RBFOX1: variants seen among roughly 807,000 people sequenced by gnomAD.
RBFOX1 encodes the protein RNA binding fox-1 homolog 1, also known as RNA binding protein fox-1 homolog 1.
Under a neutral mutation model 57.7 loss-of-function variants are expected in RBFOX1, and 8 were observed. That is an observed-to-expected ratio of 0.14 (90% confidence interval 0.08 to 0.25). The LOEUF is 0.25. Ranked by LOEUF, RBFOX1 falls within the 10% of genes least tolerant of loss-of-function variation. RBFOX1 has a pLI of 1.00. For synonymous variants in RBFOX1, 326 were observed against 222.4 expected, an observed-to-expected ratio of 1.47 and a Z score of -4.15; for missense variants, 611 against 548.5, an observed-to-expected ratio of 1.11 and a Z score of -1.14.
At position 5,358,094 on chromosome 16, in the gene RBFOX1, G is replaced by A. The variant is rs1596645325; in HGVS notation, c.220-109122G>A. ...TGTCGGCAGTATGGCTTCCACTGGAGGGCTGTGGGAAATCATCTGTTCCAT... is the reference window on the plus strand; with the variant it reads ...TGTCGGCAGTATGGCTTCCACTGGAAGGCTGTGGGAAATCATCTGTTCCAT... On this transcript the variant is annotated intron_variant, in intron 1 of 2. Coordinates refer to the RBFOX1 transcript ENST00000585867. Among the ~76,000 whole-genome samples the A allele has an allele frequency of 2.0e-5, 3 of 152,066 alleles. No individual in the cohort carries two copies. The South Asian group carries it at 6.2e-4, about 32-fold the overall frequency.
chr16:5,660,062 G>C lies in RBFOX1; in HGVS notation c.318+61101G>C, dbSNP rs150882484. ...GAGAGGGGACCCATAGGCTTTGTTA[G>C]ACCAACGGGGTTCAAGGCGCATAAA... On this transcript the variant is annotated intron_variant, in intron 3 of 19. Transcript: ENST00000641259. 2.2e-3 allele frequency among the ~76,000 whole-genome samples: 330 copies of C among 152,238 alleles called. 2 individuals carry two copies. The highest frequency in any genetic ancestry group is 7.7e-3 in the African/African-American group (321 of 41,532).
At chr16:6,066,313 A>T (rs2095762018) in intron 1 of RBFOX1, among the ~76,000 whole-genome samples, 1 of 124,612 alleles carries the variant, frequency 8.0e-6, no homozygotes, top group Non-Finnish European at 1.9e-5. Flanking sequence ...AAAAAAAAAA[A>T]AAAAAAAGGC....
chr16:6,862,936 G>C (rs902801554), intron 3 of RBFOX1, among the ~76,000 whole-genome samples: 8 of 151,552 alleles, frequency 5.3e-5, no homozygotes, highest in African/African-American at 1.9e-4. Context: ...AGTGAGCTGA[G>C]ATCACGGCAC....
rs181086648 is a variant in RBFOX1, at chr16:5,861,832, C to G, written c.319-5471C>G. 2.4e-3 allele frequency among the ~76,000 whole-genome samples: 362 copies of G among 152,272 alleles called. 1 individual carries two copies. Among genetic ancestry groups the G allele is most frequent in the African/African-American group, 8.3e-3 (344 of 41,560 alleles). Reference sequence around the variant, plus strand: ...CATCTTCTTAGACGCAATGGCAGAACAGATGAAACCAGAAAACCAAAGGGG... The same window carrying G: ...CATCTTCTTAGACGCAATGGCAGAAGAGATGAAACCAGAAAACCAAAGGGG... On this transcript the variant is annotated intron_variant, in intron 3 of 19. Transcript: ENST00000641259.
rs537756376 is a variant in RBFOX1 at position 7,268,497 on chromosome 16, A to T, written c.27+216399A>T. Among the ~76,000 whole-genome samples, 4 of 152,286 alleles carry T rather than the reference A, an allele frequency of 2.6e-5. No homozygotes were observed. In the South Asian group the frequency reaches 8.3e-4, roughly 32 times the overall value. On this transcript the variant is annotated intron_variant, in intron 4 of 15. Transcript: ENST00000550418. The stretch of plus-strand genomic sequence containing the variant: ...CAGGAGTGCCTGACACTCCTTTCCA[A>T]AGATGCTCTGCGGTAATATGTTCTA...
intron 4 of RBFOX1, among the ~76,000 whole-genome samples, chr16:7,343,251 G>T (rs1434414695): frequency 6.6e-6 from 1 of 152,198 alleles, no homozygotes. Context: ...CTTATGGGAA[G>T]CCTTTCGGGG....
chr16:6,444,739 G>A (rs1488949323), intron 2 of RBFOX1, among the ~76,000 whole-genome samples: 1 of 152,106 alleles, frequency 6.6e-6, no homozygotes, highest in African/African-American at 2.4e-5. Context: ...TGCAGAGTCT[G>A]TGTGGCTGAG....
intron 3 of RBFOX1, among the ~76,000 whole-genome samples, chr16:5,662,406 A>G (rs1326303177): frequency 2.6e-5 from 4 of 152,204 alleles, no homozygotes; most frequent in Non-Finnish European, 5.9e-5. Flanking sequence ...ATTATGTGTG[A>G]AAGTGCCAAT....
At chr16:6,422,981 A>C (rs183209454) in intron 2 of RBFOX1, among the ~76,000 whole-genome samples, 82 of 152,350 alleles carry the variant, frequency 5.4e-4, no homozygotes, top group African/African-American at 1.9e-3. Context: ...ATTGCTGCAA[A>C]GGAAATGATT....
At chr16:5,809,508 A>G (rs1475138656) in intron 3 of RBFOX1, among the ~76,000 whole-genome samples, 2 of 152,332 alleles carry the variant, frequency 1.3e-5, no homozygotes, top group South Asian at 4.1e-4. Context: ...CAAAAACTGG[A>G]CGAAGGACAT....
chr16:6,590,370 C>T (rs1047619442), intron 2 of RBFOX1, among the ~76,000 whole-genome samples: 1 of 152,152 alleles, frequency 6.6e-6, no homozygotes, highest in Non-Finnish European at 1.5e-5. Flanking sequence ...TCCCACCTCC[C>T]TGGGGTTTTT....
intron 4 of RBFOX1, among the ~76,000 whole-genome samples, chr16:7,200,640 G>C (rs530995679): frequency 6.6e-6 from 1 of 152,330 alleles, no homozygotes; most frequent in African/African-American, 2.4e-5. Context: ...TAAAGGAATA[G>C]AGTGCTTGGA....
At chr16:5,479,664 C>G (rs376336184) in intron 2 of RBFOX1, among the ~76,000 whole-genome samples, 3 of 152,070 alleles carry the variant, frequency 2.0e-5, no homozygotes, top group Non-Finnish European at 2.9e-5. Flanking sequence ...GAGGCTGAGG[C>G]AGGAGAATCG....
At chr16:6,828,455 A>C (rs528649940) in intron 3 of RBFOX1, among the ~76,000 whole-genome samples, 1 of 151,982 alleles carries the variant, frequency 6.6e-6, no homozygotes, top group African/African-American at 2.4e-5. Flanking sequence ...ACCCAGGAGG[A>C]AGAGGTTGCA....
chr16:7,184,882 T>C (rs1371457389), intron 4 of RBFOX1, among the ~76,000 whole-genome samples: 1 of 152,182 alleles, frequency 6.6e-6, no homozygotes, highest in Non-Finnish European at 1.5e-5. Flanking sequence ...TTAATAATGT[T>C]TACACATGGG....
chr16:6,322,838 G>A (rs1334074363), intron 2 of RBFOX1, among the ~76,000 whole-genome samples: 2 of 152,178 alleles, frequency 1.3e-5, no homozygotes, highest in Non-Finnish European at 2.9e-5. Flanking sequence ...GCCAGGCACA[G>A]GGTGGGTTTC....
chr16:6,145,677 G>C (rs78927422), intron 1 of RBFOX1, among the ~76,000 whole-genome samples: 1 of 151,928 alleles, frequency 6.6e-6, no homozygotes, highest in Admixed American at 6.6e-5. Context: ...GGAGTCTCTT[G>C]TACCTTACCT....
At chr16:5,989,544 T>A (rs1388124930) in intron 4 of RBFOX1, among the ~76,000 whole-genome samples, 1 of 152,066 alleles carries the variant, frequency 6.6e-6, no homozygotes. Context: ...AACCTGAGAC[T>A]CTGGGCTGTG....
chr16:6,234,748 TG>T (rs1470151945), intron 1 of RBFOX1, among the ~76,000 whole-genome samples: 1 of 152,134 alleles, frequency 6.6e-6, no homozygotes, highest in African/African-American at 2.4e-5. Context: ...TTCTGCATCT[TG>T]ATTTTGGTTG....
Sources: gnomAD v4.1 joint callset for allele counts (sites outside exome capture counted in the v4.1 genomes callset) on GRCh38, gnomAD v4.1.1 for gene constraint, MANE v1.5 for transcripts, NCBI Gene and HGNC (gene_info 2026-07-23, HGNC 2026-07-21) for gene names.